The following OPA3 variants were observed in gnomAD, a reference collection of about 807,000 sequenced individuals.
OPA3 encodes optic atrophy 3 protein.
A neutral mutation model predicts 4.0 loss-of-function variants in OPA3; 6 were observed. The observed-to-expected ratio is 1.51, with a 90% CI of 0.83 to 2.99. The LOEUF (loss-of-function observed/expected upper bound fraction) is 2.99, where lower values mean the gene tolerates loss of function less well. Ranked by LOEUF, OPA3 falls within the 30% of genes most tolerant of loss-of-function variation. OPA3 has a pLI of 0.00. For synonymous variants in OPA3, 105 were observed against 117.1 expected, an observed-to-expected ratio of 0.90 and a Z score of 0.67; for missense variants, 235 against 256.2, an observed-to-expected ratio of 0.92 and a Z score of 0.56.
At chr19:45,557,273 C>T (rs1379041915) in intron 1 of OPA3, among the ~76,000 whole-genome samples, 1 of 152,010 alleles carries the variant, frequency 6.6e-6, no homozygotes, top group Non-Finnish European at 1.5e-5. Context: ...TGTGTGCACG[C>T]GTGTGTGCAC....
At chr19:45,536,613 C>T (rs903317998) in intron 1 of OPA3, among the ~76,000 whole-genome samples, 7 of 149,612 alleles carry the variant, frequency 4.7e-5, no homozygotes, top group African/African-American at 1.7e-4. Context: ...AAGAGAAAAA[C>T]TGGAGACCTT....
In OPA3 at chr19:45,562,255, G is replaced by A. The variant is rs1280024596; in HGVS notation, c.143-8344C>T. ...CCAGTTACTTGGGAGGCTGAGGCAG[G>A]AGAATCGCTTGAATCCAGGAGGCAG... On this transcript the variant is annotated intron_variant, in intron 1 of 1. Coordinates refer to ENST00000263275, the MANE Select transcript of OPA3 (RefSeq NM_025136.4). Among the ~76,000 whole-genome samples, 11 of 149,406 alleles carry A rather than the reference G, an allele frequency of 7.4e-5. 1 individual carries two copies. The highest frequency in any genetic ancestry group is 2.5e-4 in the African/African-American group (10 of 40,594).
intron 1 of OPA3, among the ~76,000 whole-genome samples, chr19:45,578,394 G>A (rs1476973498): frequency 6.6e-6 from 1 of 151,722 alleles, no homozygotes; most frequent in East Asian, 1.9e-4. Context: ...ATCTGATCTT[G>A]TGCCCGCCCT....
At position 45,553,731 on chromosome 19, in the gene OPA3, T is replaced by TGCTGCGCCTGGTGGCGCC. The variant is rs1599964564; in HGVS notation, c.305_322dup (p.Gln107_Gln108insArgArgHisGlnAlaGln). ...ACGCTGCTCCTCCTCCTTGTGGCGC[T>TGCTGCGCCTGGTGGCGCC]GCTGCGCCTGGTGGCGCCAGTACTC... On this transcript the variant is annotated inframe_insertion, in exon 2 of 2. Transcript: ENST00000263275. 1.2e-6 allele frequency: 2 copies of TGCTGCGCCTGGTGGCGCC among 1,610,718 alleles called. No homozygotes were observed. Among genetic ancestry groups the TGCTGCGCCTGGTGGCGCC allele is most frequent in the African/African-American group, 2.7e-5 (2 of 74,914 alleles).
At chr19:45,530,030 G>A (rs1969042196) in intron 1 of OPA3, among the ~76,000 whole-genome samples, 1 of 152,126 alleles carries the variant, frequency 6.6e-6, no homozygotes, top group Non-Finnish European at 1.5e-5. Flanking sequence ...CACGGAGCGC[G>A]GCCCTGAGGC....
At chr19:45,581,848 G>C (rs1600005848) in intron 1 of OPA3, among the ~76,000 whole-genome samples, 1 of 152,334 alleles carries the variant, frequency 6.6e-6, no homozygotes, top group Middle Eastern at 3.4e-3. Flanking sequence ...GCCCAGACTG[G>C]AGGGCAGTGG....
intron 1 of OPA3, among the ~76,000 whole-genome samples, chr19:45,555,338 T>C (rs1163146126): frequency 2.0e-5 from 3 of 152,174 alleles, no homozygotes; most frequent in African/African-American, 7.2e-5. Context: ...AGCTTGTTTT[T>C]ATTTGTATTA....
chr19:45,574,168 C>T (rs182616458), intron 1 of OPA3, among the ~76,000 whole-genome samples: 10 of 150,128 alleles, frequency 6.7e-5, no homozygotes, highest in East Asian at 2.0e-4. Flanking sequence ...CTGAGGCGGG[C>T]GGATCACGAG....
chr19:45,580,194 A>T lies in OPA3; in HGVS notation c.142+4429T>A, dbSNP rs138509864. Among the ~76,000 whole-genome samples, 753 of 147,132 alleles carry T rather than the reference A, an allele frequency of 5.1e-3. 4 individuals carry two copies. Among genetic ancestry groups the T allele is most frequent in the African/African-American group, 0.018 (730 of 39,768 alleles). ...GTATTTTTAGTAGAGAAGGGGTTTCACCATGTTGGTCAGGCAGGTCTTGAA... is the reference window on the plus strand; with the variant it reads ...GTATTTTTAGTAGAGAAGGGGTTTCTCCATGTTGGTCAGGCAGGTCTTGAA... On this transcript the variant is annotated intron_variant, in intron 1 of 1. Transcript: ENST00000263275.
intron 1 of OPA3, among the ~76,000 whole-genome samples, chr19:45,561,572 G>C (rs1599975359): frequency 6.6e-6 from 1 of 152,168 alleles, no homozygotes; most frequent in African/African-American, 2.4e-5. Context: ...CCGGTAACCG[G>C]AACTGTATAC....
intron 1 of OPA3, among the ~76,000 whole-genome samples, chr19:45,532,204 A>T (rs10439108): frequency 0.21 from 32,024 of 152,102 alleles, 3,647 homozygotes; most frequent in East Asian, 0.35. Context: ...GGGTGACATC[A>T]TGTCACTTAT....
At chr19:45,555,378 C>T (rs1034458290) in intron 1 of OPA3, among the ~76,000 whole-genome samples, 2 of 152,176 alleles carry the variant, frequency 1.3e-5, no homozygotes, top group Non-Finnish European at 2.9e-5. Flanking sequence ...CTTTGTCGCC[C>T]CGGCTGGAGT....
intron 1 of OPA3, among the ~76,000 whole-genome samples, chr19:45,560,088 C>A (rs1345657709): frequency 6.6e-6 from 1 of 152,120 alleles, no homozygotes; most frequent in African/African-American, 2.4e-5. Flanking sequence ...AATTTTATTC[C>A]TGGAAGTACA....
At chr19:45,534,596 A>G (rs537764352) in intron 1 of OPA3, among the ~76,000 whole-genome samples, 93 of 151,372 alleles carry the variant, frequency 6.1e-4, no homozygotes, top group African/African-American at 2.2e-3. Flanking sequence ...AGTAAAGAAA[A>G]CAATAGAACT....
In OPA3 at chr19:45,575,988, C is replaced by T. The variant is rs563299848; in HGVS notation, c.142+8635G>A. Among the ~76,000 whole-genome samples the T allele has an allele frequency of 2.4e-3, 362 of 152,332 alleles. 2 individuals are homozygous for T. The highest frequency in any genetic ancestry group is 8.4e-3 in the African/African-American group (348 of 41,578). ...GTGGCTCACGCCTGTAATCCCAGCACTCTGGGAGGCCAAGGCGGGTGGATC... is the reference window on the plus strand; with the variant it reads ...GTGGCTCACGCCTGTAATCCCAGCATTCTGGGAGGCCAAGGCGGGTGGATC... On this transcript the variant is annotated intron_variant, in intron 1 of 1. Transcript: ENST00000263275.
chr19:45,570,720 G>A (rs982623169), intron 1 of OPA3, among the ~76,000 whole-genome samples: 3 of 151,154 alleles, frequency 2.0e-5, no homozygotes, highest in Non-Finnish European at 3.0e-5. Context: ...AAAATTAGCC[G>A]GGTGTGGTGG....
Position 45,553,340 on chromosome 19 carries a change from T to A in OPA3, c.*174A>T. 4.0e-6 allele frequency: 6 copies of A among 1,494,902 alleles called. No individual in the cohort carries two copies. The South Asian group carries it at 7.8e-5, about 19-fold the overall frequency. 92.6% of individuals were successfully genotyped at this position (1,494,902 alleles called of 1,614,324 possible). ...GGGGGCTATGTTGCAACGCTTCACCTGCTGGTCCCAGTGGCAGGTAACGGC... is the reference window on the plus strand; with the variant it reads ...GGGGGCTATGTTGCAACGCTTCACCAGCTGGTCCCAGTGGCAGGTAACGGC... On this transcript the variant is annotated 3_prime_UTR_variant, in exon 2 of 2. Coordinates refer to ENST00000263275, the MANE Select transcript of OPA3 (RefSeq NM_025136.4).
At chr19:45,556,940 T>C (rs1969429731) in intron 1 of OPA3, among the ~76,000 whole-genome samples, 1 of 152,190 alleles carries the variant, frequency 6.6e-6, no homozygotes, top group Non-Finnish European at 1.5e-5. Context: ...AATGACAGCC[T>C]GCCCCAAGGC....
chr19:45,574,252 G>A (rs1047622229), intron 1 of OPA3, among the ~76,000 whole-genome samples: 55 of 152,140 alleles, frequency 3.6e-4, no homozygotes, highest in African/African-American at 1.3e-3. Flanking sequence ...AATATTAGCT[G>A]GGCGTGGTGG....
Sources: gnomAD v4.1 joint callset for allele counts (sites outside exome capture counted in the v4.1 genomes callset) on GRCh38, gnomAD v4.1.1 for gene constraint, MANE v1.5 for transcripts, NCBI Gene and HGNC (gene_info 2026-07-23, HGNC 2026-07-21) for gene names.